The following COX7B2 variants were observed in gnomAD, a reference collection of about 807,000 sequenced individuals.
COX7B2 encodes the protein cytochrome c oxidase subunit 7B2, mitochondrial.
For synonymous variants in COX7B2, 37 were observed against 32.1 expected (o/e 1.15, Z -0.51); for missense variants, 109 against 95.9 (o/e 1.14, Z -0.57).
chr4:46,859,457 C>A (rs1717210540), intron 1 of COX7B2, among the ~76,000 whole-genome samples: 1 of 152,160 alleles, frequency 6.6e-6, no homozygotes, highest in African/African-American at 2.4e-5. Flanking sequence ...TGAGCTCTAC[C>A]TTTCTCATCT....
intron 2 of COX7B2, among the ~76,000 whole-genome samples, chr4:46,830,324 C>CAAAAAAAAAAAAAAAAAAAAA (rs201868075): frequency 1.2e-5 from 1 of 82,156 alleles, no homozygotes; most frequent in Non-Finnish European, 2.5e-5. Context: ...ACTCTGTCTC[C>CAAAAAAAAAAAAAAAAAAAAA]AAAAAAAAAA....
At chr4:46,780,195 A>C (rs891368792) in intron 2 of COX7B2, among the ~76,000 whole-genome samples, 1 of 152,196 alleles carries the variant, frequency 6.6e-6, no homozygotes, top group Non-Finnish European at 1.5e-5. Context: ...CTCAGCTATG[A>C]CTAAAGGTAA....
At chr4:46,784,590 A>G (rs1422900511) in intron 2 of COX7B2, among the ~76,000 whole-genome samples, 1 of 152,140 alleles carries the variant, frequency 6.6e-6, no homozygotes, top group Non-Finnish European at 1.5e-5. Context: ...GCACCATTGC[A>G]CTCTAGTCTG....
intron 2 of COX7B2, among the ~76,000 whole-genome samples, chr4:46,783,442 G>C (rs752347808): frequency 2.0e-5 from 3 of 152,202 alleles, no homozygotes; most frequent in Non-Finnish European, 2.9e-5. Flanking sequence ...ATTACTAGTA[G>C]CTAGGTCACT....
At chr4:46,777,892 A>C (rs1164911464) in intron 2 of COX7B2, among the ~76,000 whole-genome samples, 1 of 152,184 alleles carries the variant, frequency 6.6e-6, no homozygotes. Flanking sequence ...GATGGACCAA[A>C]TAACATGATA....
At chr4:46,806,928 C>T (rs924657904) in intron 2 of COX7B2, among the ~76,000 whole-genome samples, 1 of 152,030 alleles carries the variant, frequency 6.6e-6, no homozygotes, top group Non-Finnish European at 1.5e-5. Flanking sequence ...GCTATGGACA[C>T]TCTAGATTAT....
At chr4:46,880,033 G>A (rs1322310627) in intron 1 of COX7B2, among the ~76,000 whole-genome samples, 1 of 152,088 alleles carries the variant, frequency 6.6e-6, no homozygotes, top group Non-Finnish European at 1.5e-5. Flanking sequence ...GCCTCGTGCC[G>A]GTTTTCATGG....
chr4:46,824,288 G>A (rs1190236443), intron 2 of COX7B2, among the ~76,000 whole-genome samples: 1 of 152,016 alleles, frequency 6.6e-6, no homozygotes. Flanking sequence ...AAAAACTGAG[G>A]AGGAGGGACT....
chr4:46,783,768 A>G (rs910396929), intron 2 of COX7B2, among the ~76,000 whole-genome samples: 4 of 152,230 alleles, frequency 2.6e-5, no homozygotes, highest in Non-Finnish European at 5.9e-5. Flanking sequence ...AGGAAAGGGA[A>G]GAAAGAAGAA....
At chr4:46,865,328 G>T (rs932012972) in intron 1 of COX7B2, among the ~76,000 whole-genome samples, 4 of 152,110 alleles carry the variant, frequency 2.6e-5, no homozygotes, top group Non-Finnish European at 5.9e-5. Context: ...GGTTGTGTAT[G>T]TACCATATTT....
chr4:46,869,042 A>G lies in COX7B2; in HGVS notation c.-104-24028T>C, dbSNP rs138615640. Among the ~76,000 whole-genome samples, 1,297 of 152,282 alleles carry G rather than the reference A, an allele frequency of 8.5e-3. 12 individuals are homozygous for G. Among genetic ancestry groups the G allele is most frequent in the Non-Finnish European group, 0.013 (865 of 68,020 alleles). On this transcript the variant is annotated intron_variant, in intron 1 of 2. Transcript: ENST00000355591. Reference sequence around the variant, plus strand: ...AGGTCTCTAACAACTTGTTTTATGAATCTGGGTGCTCCTGTGTTGGGTGCA... The same window carrying G: ...AGGTCTCTAACAACTTGTTTTATGAGTCTGGGTGCTCCTGTGTTGGGTGCA...
intron 1 of COX7B2, among the ~76,000 whole-genome samples, chr4:46,878,483 T>TTATATA (rs34882815): frequency 6.7e-6 from 1 of 149,172 alleles, no homozygotes; most frequent in Admixed American, 6.7e-5. Flanking sequence ...GTTAGCACTA[T>TTATATA]TATATATATA....
At chr4:46,877,308 C>T (rs1560432937) in intron 1 of COX7B2, among the ~76,000 whole-genome samples, 2 of 152,182 alleles carry the variant, frequency 1.3e-5, no homozygotes, top group Admixed American at 6.5e-5. Flanking sequence ...CATCTGCGTC[C>T]AAAACCAAGG....
At chr4:46,873,672 T>A (rs954329802) in intron 1 of COX7B2, among the ~76,000 whole-genome samples, 1 of 150,458 alleles carries the variant, frequency 6.6e-6, no homozygotes, top group African/African-American at 2.4e-5. Flanking sequence ...GCTATTACTA[T>A]TTTTTTTAAT....
At chr4:46,877,279 T>G (rs552176482) in intron 1 of COX7B2, among the ~76,000 whole-genome samples, 6 of 152,326 alleles carry the variant, frequency 3.9e-5, no homozygotes, top group Admixed American at 1.3e-4. Flanking sequence ...AGCTGAGGTT[T>G]CATAGCCAAA....
chr4:46,876,209 T>C (rs1718320490), intron 1 of COX7B2, among the ~76,000 whole-genome samples: 1 of 152,148 alleles, frequency 6.6e-6, no homozygotes, highest in East Asian at 1.9e-4. Context: ...CAGGGATAGA[T>C]TATTGACTGC....
intron 2 of COX7B2, among the ~76,000 whole-genome samples, chr4:46,751,720 A>C (rs1715392020): frequency 6.6e-6 from 1 of 152,092 alleles, no homozygotes; most frequent in African/African-American, 2.4e-5. Flanking sequence ...CATTGAGGAA[A>C]AGACAATTAC....
intron 1 of COX7B2, among the ~76,000 whole-genome samples, chr4:46,887,923 A>T (rs1271917604): frequency 6.6e-6 from 1 of 151,822 alleles, no homozygotes; most frequent in Non-Finnish European, 1.5e-5. Flanking sequence ...GACATGGTTC[A>T]CTCCTATTTG....
chr4:46,789,794 A>G (rs1036655015), intron 2 of COX7B2, among the ~76,000 whole-genome samples: 4 of 152,168 alleles, frequency 2.6e-5, no homozygotes, highest in African/African-American at 7.2e-5. Flanking sequence ...TAAACTAGTC[A>G]AAGGTATACT....
Sources: gnomAD v4.1 joint callset for allele counts (sites outside exome capture counted in the v4.1 genomes callset) on GRCh38, gnomAD v4.1.1 for gene constraint, MANE v1.5 for transcripts, NCBI Gene and HGNC (gene_info 2026-07-23, HGNC 2026-07-21) for gene names.